The following ZNF69 variants were observed in gnomAD, a reference collection of about 807,000 sequenced individuals.
The protein encoded by ZNF69 is zinc finger protein 69, also known as ZNF3.
Under a neutral mutation model 50.9 loss-of-function variants are expected in ZNF69, and 47 were observed. The observed-to-expected ratio is 0.92, with a 90% CI of 0.73 to 1.18. The LOEUF (loss-of-function observed/expected upper bound fraction) is 1.18. Ranked by LOEUF, ZNF69 falls within the 50% of genes most tolerant of loss-of-function variation. The pLI, the probability that ZNF69 is intolerant of heterozygous loss-of-function variation, is 0.00. For missense variants in ZNF69, 717 were observed against 675.1 expected (o/e 1.06, Z -0.69); for synonymous variants, 216 against 223.1 (o/e 0.97, Z 0.29).
At chr19:11,919,144 C>G (rs1972545912), downstream of ZNF69, among the ~76,000 whole-genome samples, 1 of 152,184 alleles carries the variant, frequency 6.6e-6, no homozygotes, top group South Asian at 2.1e-4. Flanking sequence ...ATCCGCCTAC[C>G]TTGGCCTCCC....
At chr19:11,936,635 G>C in the ZNF69 span, among the ~76,000 whole-genome samples, 393 of 152,186 alleles carry the variant, frequency 2.6e-3, 1 homozygote, top group Middle Eastern at 0.024. Flanking sequence ...TCATTCTATA[G>C]GTTGCCTGTT....
the ZNF69 span, among the ~76,000 whole-genome samples, chr19:11,944,529 T>C: frequency 1.3e-5 from 2 of 152,312 alleles, no homozygotes; most frequent in East Asian, 1.9e-4. Flanking sequence ...TCTGAGCCAA[T>C]TCGTAAGGGC....
chr19:11,928,648 C>T, the ZNF69 span, among the ~76,000 whole-genome samples: 5 of 143,520 alleles, frequency 3.5e-5, no homozygotes, highest in Non-Finnish European at 7.5e-5. Context: ...AGGAGAATGG[C>T]GTGAACCCGG....
chr19:11,897,293 G>A (rs1972143501), intron 1 of ZNF69, among the ~76,000 whole-genome samples: 1 of 152,172 alleles, frequency 6.6e-6, no homozygotes, highest in African/African-American at 2.4e-5. Context: ...GTGGCGGTGA[G>A]CCAAGATCAC....
chr19:11,968,716 A>G, the ZNF69 span, among the ~76,000 whole-genome samples: 1 of 152,156 alleles, frequency 6.6e-6, no homozygotes, highest in Non-Finnish European at 1.5e-5. Context: ...TTAGTGTACT[A>G]TAGAGATCAG....
At chr19:11,904,089 C>G in intron 3 of ZNF69, 124 bp downstream of exon 3, 1 of 1,264,412 alleles carries the variant, frequency 7.9e-7, no homozygotes, top group Middle Eastern at 2.0e-4. Flanking sequence ...AATATTTGAT[C>G]AAAAAACATA....
At chr19:11,924,497 C>G in the ZNF69 span, among the ~76,000 whole-genome samples, 1 of 150,968 alleles carries the variant, frequency 6.6e-6, no homozygotes, top group Non-Finnish European at 1.5e-5. Context: ...GAGCTAGAGA[C>G]AGAATTGTTT....
At chr19:11,932,590 C>G in the ZNF69 span, among the ~76,000 whole-genome samples, 1 of 146,558 alleles carries the variant, frequency 6.8e-6, no homozygotes, top group African/African-American at 2.7e-5. Context: ...CCATCCACAT[C>G]AGTATATTTT....
the ZNF69 span, among the ~76,000 whole-genome samples, chr19:11,937,207 T>C: frequency 0.026 from 3,955 of 152,338 alleles, 76 homozygotes; most frequent in Non-Finnish European, 0.043. Context: ...GTTGTGAGTT[T>C]TGCATTTTCC....
chr19:11,942,629 C>T, the ZNF69 span, among the ~76,000 whole-genome samples: 5 of 152,158 alleles, frequency 3.3e-5, no homozygotes, highest in African/African-American at 1.2e-4. Context: ...ATGAAAGGAT[C>T]GTGATCAATT....
the ZNF69 span, chr19:11,965,153 C>T: frequency 1.2e-6 from 2 of 1,612,980 alleles, no homozygotes; most frequent in Non-Finnish European, 1.7e-6. Context: ...TGCGCTGTGC[C>T]CTTCTGTAGT....
chr19:11,911,758 G>A (rs1035705891), intron 4 of ZNF69, among the ~76,000 whole-genome samples: 12 of 151,906 alleles, frequency 7.9e-5, no homozygotes, highest in Middle Eastern at 3.2e-3. Context: ...AACATGGCAC[G>A]TGTATACATA....
intron 1 of ZNF69, among the ~76,000 whole-genome samples, chr19:11,898,185 A>G (rs1972167523): frequency 6.6e-6 from 1 of 152,268 alleles, no homozygotes; most frequent in South Asian, 2.1e-4. Context: ...CATGTTTTTC[A>G]TGCAAATGAT....
In ZNF69 at chr19:11,906,182, G is replaced by T. The variant is rs931717648; in HGVS notation, c.*84G>T. 4.5e-6 allele frequency: 7 copies of T among 1,562,064 alleles called. No individual in the cohort carries two copies. Among genetic ancestry groups the T allele is most frequent in the Non-Finnish European group, 6.0e-6 (7 of 1,161,274 alleles). On this transcript the variant is annotated 3_prime_UTR_variant, in exon 4 of 4. Coordinates refer to ENST00000429654, the MANE Select transcript of ZNF69 (RefSeq NM_001364730.1). ...AGAAACCATGAATGTAAAGAATGTG[G>T]GAAACCCTTCAGGTCTGCCCAGAAC...
intron 3 of ZNF69, 77 bp downstream of exon 3, chr19:11,904,042 A>C: frequency 6.7e-7 from 1 of 1,487,744 alleles, no homozygotes; most frequent in Non-Finnish European, 9.2e-7. Context: ...AAATAAGTAA[A>C]AGAACTAAGT....
the ZNF69 span, among the ~76,000 whole-genome samples, chr19:11,945,268 A>G: frequency 1.3e-5 from 2 of 152,132 alleles, no homozygotes; most frequent in Non-Finnish European, 2.9e-5. Flanking sequence ...AGTACTGCAA[A>G]GTTTGGGATC....
At chr19:11,960,436 C>T in the ZNF69 span, among the ~76,000 whole-genome samples, 9 of 152,182 alleles carry the variant, frequency 5.9e-5, no homozygotes, top group Non-Finnish European at 1.3e-4. Context: ...AATCCTCTCA[C>T]CTCAGCTTTC....
At position 11,901,290 on chromosome 19, in the gene ZNF69, T is replaced by A. The variant is rs532573701; in HGVS notation, c.64-2283T>A. On this transcript the variant is annotated intron_variant, in intron 1 of 3. Transcript: ENST00000429654. ...TTAATTTATTGAGCATTTTTAATCA[T>A]CAGGAGATATTAACTTATTTATGCT... Among the ~76,000 whole-genome samples the A allele has an allele frequency of 2.2e-3, 340 of 152,310 alleles. 3 individuals carry two copies. Among genetic ancestry groups the A allele is most frequent in the African/African-American group, 7.7e-3 (319 of 41,582 alleles).
the ZNF69 span, among the ~76,000 whole-genome samples, chr19:11,938,432 G>A: frequency 7.9e-5 from 12 of 151,958 alleles, no homozygotes; most frequent in East Asian, 9.7e-4. Context: ...CCCCTCCCTG[G>A]GTCCAAGTGT....
Sources: gnomAD v4.1 joint callset for allele counts (sites outside exome capture counted in the v4.1 genomes callset) on GRCh38, gnomAD v4.1.1 for gene constraint, MANE v1.5 for transcripts, NCBI Gene and HGNC (gene_info 2026-07-23, HGNC 2026-07-21) for gene names.